RRAGB: variants seen among roughly 807,000 people sequenced by gnomAD.
RRAGB encodes Ras related GTP binding B, also known as ras-related GTP-binding protein B.
In RRAGB, 6 loss-of-function variants were observed where a neutral mutation model predicts 29.3. The observed-to-expected ratio is 0.21, with a 90% CI of 0.11 to 0.40. The LOEUF (loss-of-function observed/expected upper bound fraction) is 0.40, where lower values mean the gene tolerates loss of function less well. Ranked by LOEUF, RRAGB falls within the 10% of genes least tolerant of loss-of-function variation. The pLI, the probability that RRAGB is intolerant of heterozygous loss-of-function variation, is 1.00. For missense variants in RRAGB, 184 were observed against 272.9 expected (o/e 0.67, Z 2.29); for synonymous variants, 101 against 92.5 (o/e 1.09, Z -0.53).
In RRAGB at chrX:55,755,790, G is replaced by T. The variant is rs779249888; in HGVS notation, c.736-51G>T. 27 of 1,156,679 alleles carry T rather than the reference G, an allele frequency of 2.3e-5. No individual in the cohort carries two copies. The African/African-American group carries it at 4.6e-4, about 20-fold the overall frequency. ...ATGTCTGCTTTGAGGAGTAGCAGAG[G>T]ATGATGTAACTATTTTGCATGGATT... On this transcript the variant is annotated intron_variant, in intron 7 of 9. Transcript: ENST00000374941.
intron 5 of RRAGB, among the ~76,000 whole-genome samples, chrX:55,747,268 C>G (rs1277776622): frequency 5.3e-5 from 6 of 112,586 alleles, no homozygotes; most frequent in African/African-American, 1.6e-4. Flanking sequence ...TCCCAAATAA[C>G]CTCCATTCCA....
intron 3 of RRAGB, among the ~76,000 whole-genome samples, chrX:55,725,174 A>G (rs2033433199): frequency 1.8e-5 from 2 of 112,135 alleles, no homozygotes. Flanking sequence ...ATTAAGGCAA[A>G]CCATTTATTC....
At chrX:55,750,503 A>G (rs1217771896) in intron 5 of RRAGB, among the ~76,000 whole-genome samples, 1 of 111,416 alleles carries the variant, frequency 9.0e-6, no homozygotes, top group Non-Finnish European at 1.9e-5. Flanking sequence ...TACTGTTTCA[A>G]ATGTTAATCT....
rs143159299 is a variant in RRAGB at position 55,741,290 on chromosome X, G to A, written c.516+9704G>A. On this transcript the variant is annotated intron_variant, in intron 5 of 9. Transcript: ENST00000374941. ...TGAAACACCACTGCACCATACGTTC[G>A]TTAGCAGTTCCTGAGCCAAATGCGT... 9.3e-3 allele frequency among the ~76,000 whole-genome samples: 1,033 copies of A among 111,371 alleles called. 10 individuals are homozygous for A. Among genetic ancestry groups the A allele is most frequent in the African/African-American group, 0.032 (992 of 30,560 alleles).
chrX:55,740,320 C>G (rs771097143), intron 5 of RRAGB, among the ~76,000 whole-genome samples: 238 of 106,858 alleles, frequency 2.2e-3, no homozygotes, highest in Non-Finnish European at 3.8e-3. Flanking sequence ...AAGACTCCAT[C>G]TCAAAAAAAA....
chrX:55,748,849 C>T (rs1445173489), intron 5 of RRAGB, among the ~76,000 whole-genome samples: 4 of 106,592 alleles, frequency 3.8e-5, no homozygotes, highest in Non-Finnish European at 7.9e-5. Flanking sequence ...TCTGCCCAGC[C>T]GCCCCCACTG....
intron 5 of RRAGB, among the ~76,000 whole-genome samples, chrX:55,749,111 G>A (rs761054047): frequency 1.0e-5 from 1 of 97,842 alleles, no homozygotes; most frequent in African/African-American, 3.8e-5. Context: ...GGTGAGTGGT[G>A]CCTCTGCCCG....
chrX:55,721,019 A>G (rs1242851200), intron 2 of RRAGB, among the ~76,000 whole-genome samples: 1 of 112,413 alleles, frequency 8.9e-6, no homozygotes, highest in South Asian at 3.7e-4. Context: ...AACATCATTG[A>G]CGAGTGCTCT....
At chrX:55,731,947 C>T (rs1294993957) in intron 5 of RRAGB, among the ~76,000 whole-genome samples, 2 of 112,087 alleles carry the variant, frequency 1.8e-5, no homozygotes, top group African/African-American at 6.5e-5. Flanking sequence ...TTGCTGCTTT[C>T]ATTAGATTGA....
At chrX:55,728,507 G>A (rs774950985) in intron 3 of RRAGB, among the ~76,000 whole-genome samples, 1 of 111,828 alleles carries the variant, frequency 8.9e-6, no homozygotes, top group African/African-American at 3.3e-5. Context: ...TGGATCATTG[G>A]GGAATGTATA....
intron 5 of RRAGB, among the ~76,000 whole-genome samples, chrX:55,731,897 T>C (rs1311107453): frequency 1.8e-5 from 2 of 112,148 alleles, no homozygotes; most frequent in Non-Finnish European, 3.8e-5. Flanking sequence ...AGGGAGATAG[T>C]GTCAAGGTTA....
intron 5 of RRAGB, among the ~76,000 whole-genome samples, chrX:55,749,779 G>A (rs1463673632): frequency 9.1e-5 from 10 of 109,511 alleles, no homozygotes; most frequent in Admixed American, 3.9e-4. Context: ...TCCACTCAGG[G>A]TTAAATGGAT....
intron 3 of RRAGB, among the ~76,000 whole-genome samples, chrX:55,723,227 T>C (rs1318786175): frequency 9.1e-6 from 1 of 110,301 alleles, no homozygotes; most frequent in Non-Finnish European, 1.9e-5. Flanking sequence ...GGTGCAGTCT[T>C]ATCTCCTGGG....
At chrX:55,748,899 C>T (rs778847294) in intron 5 of RRAGB, among the ~76,000 whole-genome samples, 34 of 99,896 alleles carry the variant, frequency 3.4e-4, no homozygotes, top group African/African-American at 1.1e-3. Flanking sequence ...CCGCCCCATC[C>T]GGGAGGGAGG....
At chrX:55,734,265 G>GT (rs747609585) in intron 5 of RRAGB, among the ~76,000 whole-genome samples, 2,355 of 98,726 alleles carry the variant, frequency 0.024, 38 homozygotes, top group African/African-American at 0.067. Flanking sequence ...GCCCGGCTGG[G>GT]TTTTTTTTTT....
intron 5 of RRAGB, among the ~76,000 whole-genome samples, chrX:55,741,977 TC>T (rs1204811278): frequency 8.9e-6 from 1 of 111,947 alleles, no homozygotes; most frequent in Admixed American, 9.4e-5. Context: ...AGGTCATACT[TC>T]CATTTAACAT....
At chrX:55,742,500 G>A (rs1350971037) in intron 5 of RRAGB, among the ~76,000 whole-genome samples, 1 of 112,302 alleles carries the variant, frequency 8.9e-6, no homozygotes, top group Non-Finnish European at 1.9e-5. Context: ...TTTTGGAGGA[G>A]CAATCCAGTT....
chrX:55,752,109 ACT>A, intron 6 of RRAGB: 3 of 350,339 alleles, frequency 8.6e-6, no homozygotes, highest in Non-Finnish European at 1.1e-5. Context: ...TTTTTTTTTA[ACT>A]AATTCATTTT....
intron 5 of RRAGB, among the ~76,000 whole-genome samples, chrX:55,732,904 C>T (rs1315755339): frequency 9.0e-6 from 1 of 110,983 alleles, no homozygotes; most frequent in African/African-American, 3.3e-5. Flanking sequence ...TAAATGAGCT[C>T]CTTTAAACAT....
Sources: allele counts gnomAD v4.1 joint callset (sites outside exome capture counted in the v4.1 genomes callset), GRCh38; gene constraint gnomAD v4.1.1; transcripts MANE v1.5; gene names NCBI Gene and HGNC (gene_info 2026-07-23, HGNC 2026-07-21).